MECOM: variants seen among roughly 807,000 people sequenced by gnomAD.
MECOM encodes the protein MDS1 and EVI1 complex locus.
MECOM carries 13 observed loss-of-function variants against 116.3 expected under a neutral mutation model. That is an observed-to-expected ratio of 0.11 (90% confidence interval 0.07 to 0.18). The LOEUF is 0.18. MECOM is among the 10% of genes least tolerant of loss of function. The pLI is 1.00. For missense variants in MECOM, 1,299 were observed against 1,509.0 expected (o/e 0.86, Z 2.31); for synonymous variants, 528 against 535.2 (o/e 0.99, Z 0.19).
intron 1 of MECOM, among the ~76,000 whole-genome samples, chr3:169,541,943 G>T (rs149872726): frequency 6.6e-6 from 1 of 152,278 alleles, no homozygotes; most frequent in African/African-American, 2.4e-5. Flanking sequence ...ATAGATATAT[G>T]GGTCTGTGTA....
intron 1 of MECOM, among the ~76,000 whole-genome samples, chr3:169,400,968 C>T (rs1458598308): frequency 6.6e-6 from 1 of 152,172 alleles, no homozygotes; most frequent in Non-Finnish European, 1.5e-5. Context: ...TCAAATATCC[C>T]AGTAATGGTT....
chr3:169,264,249 T>C lies in MECOM; in HGVS notation c.375+116938A>G, dbSNP rs1378414982. Among the ~76,000 whole-genome samples the C allele has an allele frequency of 2.0e-5, 3 of 152,328 alleles. No individual in the cohort carries two copies. In the East Asian group the frequency reaches 5.8e-4, roughly 29 times the overall value. On this transcript the variant is annotated intron_variant, in intron 2 of 16. Coordinates refer to ENST00000651503, the MANE Select transcript of MECOM (RefSeq NM_004991.4). ...TAAATTGGTGGTGGTGGTTTATTGT[T>C]GATGTTGTTGTTGATCTTTGTTTTT...
intron 2 of MECOM, among the ~76,000 whole-genome samples, chr3:169,177,041 T>G (rs1745273111): frequency 6.6e-6 from 1 of 152,152 alleles, no homozygotes; most frequent in South Asian, 2.1e-4. Context: ...GTTTAACCAG[T>G]GTGGAAGACA....
rs201542000 is a variant in MECOM at position 169,116,454 on chromosome 3, T to G, written c.1418A>C (p.Asn473Thr). Residue 473 changes from asparagine to threonine, a missense_variant, in exon 8 of 17, where the codon AAT becomes ACT. Physicochemically the swap from Asn to Thr is moderately conservative, Grantham distance 65. Around this residue, in one of 6 missense-constraint regions of MECOM, gnomAD observed 238 missense variants for 273.1 expected, o/e 0.87. Transcript: ENST00000651503. ...AAAGGTAAGACCAGCAGGATGCCTA[T>G]TGGCGCCAAAATAGTCAGCAAGGCC... The part of the protein sequence containing the change: ...NPGLADYFGA[N>T]RHPAGLTFPT... 1 of 1,614,078 alleles carries G rather than the reference T, an allele frequency of 6.2e-7. No homozygotes were observed. The highest frequency in any genetic ancestry group is 8.5e-7 in the Non-Finnish European group (1 of 1,180,056).
intron 1 of MECOM, among the ~76,000 whole-genome samples, chr3:169,461,930 T>C (rs941133561): frequency 1.3e-5 from 2 of 152,126 alleles, no homozygotes; most frequent in Admixed American, 6.6e-5. Flanking sequence ...CAAAAAATAA[T>C]AGGCTGATAT....
At chr3:169,432,240 C>T (rs1741761800) in intron 1 of MECOM, among the ~76,000 whole-genome samples, 2 of 152,082 alleles carry the variant, frequency 1.3e-5, no homozygotes, top group South Asian at 4.2e-4. Flanking sequence ...CTCGCCACAA[C>T]CTCTGCCTCC....
intron 1 of MECOM, among the ~76,000 whole-genome samples, chr3:169,434,706 T>A (rs1327715223): frequency 6.6e-6 from 1 of 152,220 alleles, no homozygotes; most frequent in Non-Finnish European, 1.5e-5. Flanking sequence ...AAAGCTTTAA[T>A]GATGTGAGGC....
chr3:169,439,120 A>G (rs1743189742), intron 1 of MECOM, among the ~76,000 whole-genome samples: 1 of 147,668 alleles, frequency 6.8e-6, no homozygotes, highest in South Asian at 2.1e-4. Flanking sequence ...AATATTATTA[A>G]TATTATTTAA....
rs569967679 is a variant in MECOM at position 169,656,854 on chromosome 3, TA to T, written c.37+6481del. ...CTTTCAAAAGGACTAGAACTTGCCT[TA>T]AAAAAAATTCAGTATGTACTTCTTA... On this transcript the variant is annotated intron_variant, in intron 1 of 16. Transcript: ENST00000651503. Among the ~76,000 whole-genome samples, 1,094 of 152,226 alleles carry T rather than the reference TA, an allele frequency of 7.2e-3. 20 individuals carry two copies. Among genetic ancestry groups the T allele is most frequent in the African/African-American group, 0.025 (1,052 of 41,536 alleles).
intron 1 of MECOM, among the ~76,000 whole-genome samples, chr3:169,564,079 A>G (rs986924292): frequency 2.0e-5 from 3 of 152,228 alleles, no homozygotes; most frequent in Non-Finnish European, 4.4e-5. Context: ...AGATCTTTTC[A>G]ATAAAGGGAA....
intron 2 of MECOM, among the ~76,000 whole-genome samples, chr3:169,181,366 C>A (rs1189732066): frequency 6.6e-6 from 1 of 152,128 alleles, no homozygotes; most frequent in Non-Finnish European, 1.5e-5. Flanking sequence ...AGGTCAGTAA[C>A]CACATGTGAC....
intron 2 of MECOM, among the ~76,000 whole-genome samples, chr3:169,363,796 G>A (rs7617754): frequency 0.33 from 50,014 of 151,458 alleles, 9,223 homozygotes; most frequent in East Asian, 0.47. Context: ...ACAGCATCCC[G>A]GATCTCATTA....
At chr3:169,469,487 C>T (rs749646688) in intron 1 of MECOM, among the ~76,000 whole-genome samples, 1 of 152,146 alleles carries the variant, frequency 6.6e-6, no homozygotes, top group South Asian at 2.1e-4. Context: ...ACCTATCACC[C>T]CTGTTTTAGC....
At chr3:169,169,118 A>G (rs1281610519) in intron 2 of MECOM, among the ~76,000 whole-genome samples, 1 of 152,174 alleles carries the variant, frequency 6.6e-6, no homozygotes, top group Non-Finnish European at 1.5e-5. Flanking sequence ...CCATAAACAC[A>G]TACTAAATTA....
At chr3:169,433,689 G>GAAAGAA (rs762521796) in intron 1 of MECOM, among the ~76,000 whole-genome samples, 2 of 96,786 alleles carry the variant, frequency 2.1e-5, no homozygotes, top group South Asian at 3.5e-4. Flanking sequence ...AAGAAAGAAA[G>GAAAGAA]AGAAAGAAAG....
At chr3:169,172,411 G>GTA (rs1375167875) in intron 2 of MECOM, among the ~76,000 whole-genome samples, 1 of 141,272 alleles carries the variant, frequency 7.1e-6, no homozygotes, top group East Asian at 2.0e-4. Flanking sequence ...CCTTGTATGT[G>GTA]TGTGTGTGTG....
At chr3:169,277,443 T>C (rs1188000070) in intron 2 of MECOM, among the ~76,000 whole-genome samples, 1 of 152,118 alleles carries the variant, frequency 6.6e-6, no homozygotes, top group African/African-American at 2.4e-5. Context: ...TTCAGATAAA[T>C]CTTAATGTAG....
chr3:169,237,012 A>G, intron 2 of MECOM, among the ~76,000 whole-genome samples: 1 of 152,232 alleles, frequency 6.6e-6, no homozygotes, highest in East Asian at 1.9e-4. Context: ...TGATCTCATA[A>G]ATTCTGAAAT....
chr3:169,485,580 A>T (rs534127097), intron 1 of MECOM, among the ~76,000 whole-genome samples: 12 of 152,196 alleles, frequency 7.9e-5, no homozygotes, highest in Admixed American at 6.5e-4. Flanking sequence ...CATCTCATCC[A>T]ACATTTTCAC....
Sources: allele counts gnomAD v4.1 joint callset (sites outside exome capture counted in the v4.1 genomes callset), GRCh38; gene constraint gnomAD v4.1.1; regional missense constraint gnomAD v4.1.1; transcripts MANE v1.5; gene names NCBI Gene and HGNC (gene_info 2026-07-23, HGNC 2026-07-21).